The following ADAMTS9 variants were observed in gnomAD, a reference collection of about 807,000 sequenced individuals.
ADAMTS9 encodes the protein A disintegrin and metalloproteinase with thrombospondin motifs 9.
ADAMTS9 carries 107 observed loss-of-function variants against 257.1 expected under a neutral mutation model. The observed-to-expected ratio is 0.42, with a 90% CI of 0.36 to 0.49. ADAMTS9 has a LOEUF of 0.49. Ranked by LOEUF, ADAMTS9 falls within the 20% of genes least tolerant of loss-of-function variation. ADAMTS9 has a pLI of 0.03. For missense variants in ADAMTS9, 2,353 were observed against 2,469.1 expected, an observed-to-expected ratio of 0.95 and a Z score of 1.00; for synonymous variants, 982 against 880.9, an observed-to-expected ratio of 1.11 and a Z score of -2.03.
chr3:64,546,841 C>T lies in ADAMTS9; in HGVS notation c.4981G>A (p.Gly1661Ser). 6.2e-7 allele frequency: 1 copy of T among 1,614,158 alleles called. No individual in the cohort carries two copies. The highest frequency in any genetic ancestry group is 8.5e-7 in the Non-Finnish European group (1 of 1,180,012). The change falls in exon 32 of 40, where the codon GGC (glycine) becomes AGC (serine). Residue 1661 changes from glycine to serine, a missense_variant. Physicochemically the swap from Gly to Ser is moderately conservative, Grantham distance 56. This residue lies in a region of ADAMTS9 where 1,402 missense variants were observed against 1,441.4 expected (regional missense o/e 0.97). Coordinates refer to ENST00000498707, the MANE Select transcript of ADAMTS9 (RefSeq NM_182920.2). ...YSYQTTINCP[G>S]TQPPSVHPCY... ...GGGTGAACACTGGGGGGCTGCGTGC[C>T]TGGGCAGTTGATGGTGGTTTGGTAG...
chr3:64,559,778 C>T (rs2083389340), intron 30 of ADAMTS9, among the ~76,000 whole-genome samples: 1 of 152,222 alleles, frequency 6.6e-6, no homozygotes, highest in African/African-American at 2.4e-5. Flanking sequence ...GAATTGTAAA[C>T]AGAGTGTGCA....
Position 64,621,103 on chromosome 3 carries a change from C to T in ADAMTS9, c.2813+11G>A, listed in dbSNP as rs1700091950. ...TTCAGTAATAAAGGCCTTGAGAAAA[C>T]AGTGGCCCACCTCAGGTCACAGTCT... On this transcript the variant is annotated intron_variant, in intron 19 of 39. Transcript: ENST00000498707. 6.2e-7 allele frequency: 1 copy of T among 1,600,616 alleles called. No homozygotes were observed. The highest frequency in any genetic ancestry group is 8.5e-7 in the Non-Finnish European group (1 of 1,174,986).
At chr3:64,524,159 T>C (rs1575975677) in intron 38 of ADAMTS9, among the ~76,000 whole-genome samples, 2 of 152,356 alleles carry the variant, frequency 1.3e-5, no homozygotes, top group Admixed American at 1.3e-4. Context: ...TTTTCTGAGC[T>C]TAAACTGCAG....
chr3:64,678,076 C>G (rs1378765614), intron 3 of ADAMTS9, among the ~76,000 whole-genome samples: 1 of 152,186 alleles, frequency 6.6e-6, no homozygotes, highest in Non-Finnish European at 1.5e-5. Context: ...TTGCCCTGCT[C>G]CTACTCCCAT....
At chr3:64,652,373 A>T (rs1176408068) in intron 8 of ADAMTS9, among the ~76,000 whole-genome samples, 1 of 152,256 alleles carries the variant, frequency 6.6e-6, no homozygotes, top group African/African-American at 2.4e-5. Context: ...TTCTTAAAAC[A>T]TGAGACTCCT....
At chr3:64,526,397 A>C (rs1338421522) in intron 38 of ADAMTS9, among the ~76,000 whole-genome samples, 1 of 152,208 alleles carries the variant, frequency 6.6e-6, no homozygotes, top group Non-Finnish European at 1.5e-5. Flanking sequence ...CTTAATTCTT[A>C]AAAATTCGTA....
chr3:64,637,345 A>C (rs1274453374), intron 12 of ADAMTS9, among the ~76,000 whole-genome samples: 1 of 152,220 alleles, frequency 6.6e-6, no homozygotes, highest in Non-Finnish European at 1.5e-5. Context: ...TAGTAGCCAC[A>C]CTTCCCAACT....
chr3:64,607,999 T>C (rs566081598), intron 22 of ADAMTS9, among the ~76,000 whole-genome samples: 1 of 152,082 alleles, frequency 6.6e-6, no homozygotes, highest in East Asian at 1.9e-4. Flanking sequence ...TTCACAAATA[T>C]GTGAAAACTG....
At chr3:64,646,704 T>A (rs533936036) in intron 11 of ADAMTS9, among the ~76,000 whole-genome samples, 1 of 152,322 alleles carries the variant, frequency 6.6e-6, no homozygotes, top group Admixed American at 6.5e-5. Flanking sequence ...ATTTTTAAAC[T>A]TTCATATCCT....
intron 26 of ADAMTS9, among the ~76,000 whole-genome samples, chr3:64,600,983 C>T (rs1211414115): frequency 2.6e-5 from 4 of 152,182 alleles, no homozygotes; most frequent in South Asian, 2.1e-4. Flanking sequence ...CACCTAACTA[C>T]GTCCCTACCC....
chr3:64,607,261 T>A (rs2084575860), intron 22 of ADAMTS9, among the ~76,000 whole-genome samples, 182 bp from the exon 23 acceptor site: 1 of 152,234 alleles, frequency 6.6e-6, no homozygotes, highest in Non-Finnish European at 1.5e-5. Flanking sequence ...TTCATTATTA[T>A]GATGACCCTT....
intron 2 of ADAMTS9, among the ~76,000 whole-genome samples, chr3:64,683,939 G>A (rs72892873): frequency 0.12 from 18,297 of 151,900 alleles, 2,058 homozygotes; most frequent in African/African-American, 0.28. Context: ...ATCAACATGG[G>A]GAACTATGAA....
chr3:64,568,558 G>A lies in ADAMTS9; in HGVS notation c.4357-23C>T, dbSNP rs751198405. Reference sequence around the variant, plus strand: ...ACACTGCAATATAAAGCAATGGCAAGGTTGTTGTTGTTTTTTAATTACACG... The same window carrying A: ...ACACTGCAATATAAAGCAATGGCAAAGTTGTTGTTGTTTTTTAATTACACG... On this transcript the variant is annotated intron_variant, in intron 28 of 39. Transcript: ENST00000498707. The A allele has an allele frequency of 1.1e-5, 18 of 1,606,640 alleles. No individual in the cohort carries two copies. In the Admixed American group the frequency reaches 1.9e-4, roughly 17 times the overall value.
intron 3 of ADAMTS9, among the ~76,000 whole-genome samples, chr3:64,664,812 A>G (rs1701313002): frequency 6.6e-6 from 1 of 152,232 alleles, no homozygotes. Flanking sequence ...TAGGTCATAC[A>G]GTAACTCTAT....
intron 26 of ADAMTS9, among the ~76,000 whole-genome samples, chr3:64,600,656 C>A (rs568170533): frequency 6.6e-6 from 1 of 152,300 alleles, no homozygotes; most frequent in South Asian, 2.1e-4. Flanking sequence ...TTTACTTTCT[C>A]AGAACTGAAA....
At position 64,615,460 on chromosome 3, in the gene ADAMTS9, G is replaced by A. The variant is rs751773492; in HGVS notation, c.3050C>T (p.Thr1017Ile). The A allele has an allele frequency of 2.5e-6, 4 of 1,613,476 alleles. No individual in the cohort carries two copies. Among genetic ancestry groups the A allele is most frequent in the Middle Eastern group, 1.7e-4 (1 of 6,048 alleles). ...TECSKSCDGG[T>I]QRRRAICVNT... ...GACACAAATAGCCCTTCTCCTCTGGGTCCCACCGTCACAGCTTTTTGAACA... is the reference window on the plus strand; with the variant it reads ...GACACAAATAGCCCTTCTCCTCTGGATCCCACCGTCACAGCTTTTTGAACA... Residue 1017 changes from threonine to isoleucine, a missense_variant, in exon 21 of 40, where the codon ACC becomes ATC. Thr to Ile is a moderately conservative substitution (Grantham distance 89). Around this residue, in one of 3 missense-constraint regions of ADAMTS9, gnomAD observed 1,402 missense variants for 1,441.4 expected, o/e 0.97. Transcript: ENST00000498707.
intron 32 of ADAMTS9, among the ~76,000 whole-genome samples, chr3:64,542,519 C>G (rs2083139369): frequency 1.3e-5 from 2 of 151,344 alleles, no homozygotes; most frequent in African/African-American, 2.4e-5. Context: ...TCTCCGCCTC[C>G]CAGGTTCAAG....
intron 3 of ADAMTS9, among the ~76,000 whole-genome samples, chr3:64,671,105 C>T (rs1701474751): frequency 6.6e-6 from 1 of 152,128 alleles, no homozygotes; most frequent in South Asian, 2.1e-4. Flanking sequence ...TTTATAGTGG[C>T]TTTATTTGTA....
chr3:64,537,836 T>C (rs760809165), intron 37 of ADAMTS9, among the ~76,000 whole-genome samples: 4 of 152,228 alleles, frequency 2.6e-5, no homozygotes, highest in Admixed American at 6.5e-5. Flanking sequence ...GAGTTCATTA[T>C]GTTTGTCCTG....
Sources: gnomAD v4.1 joint callset for allele counts (sites outside exome capture counted in the v4.1 genomes callset) on GRCh38, gnomAD v4.1.1 for gene constraint, gnomAD v4.1.1 regional missense constraint, MANE v1.5 for transcripts, NCBI Gene and HGNC (gene_info 2026-07-23, HGNC 2026-07-21) for gene names.